FAM124A: variants seen among roughly 807,000 people sequenced by gnomAD.
The protein encoded by FAM124A is protein FAM124A.
A neutral mutation model predicts 24.5 loss-of-function variants in FAM124A; 23 were observed. The observed-to-expected ratio is 0.94, with a 90% confidence interval of 0.68 to 1.33. FAM124A has a LOEUF of 1.33. FAM124A is among the 40% of genes most tolerant of loss of function. The probability of loss-of-function intolerance (pLI) is 0.00; values close to 1 mark genes in which losing one functional copy is unlikely to be tolerated. For synonymous variants in FAM124A, 287 were observed against 314.7 expected (o/e 0.91, Z 0.93); for missense variants, 623 against 722.8 (o/e 0.86, Z 1.58).
At chr13:51,267,529 C>T (rs891007122) in intron 3 of FAM124A, among the ~76,000 whole-genome samples, 1 of 152,140 alleles carries the variant, frequency 6.6e-6, no homozygotes, top group Non-Finnish European at 1.5e-5. Context: ...CTATGGCTAT[C>T]TGCTCATTTC....
chr13:51,278,347 G>C (rs1954904598), intron 3 of FAM124A, among the ~76,000 whole-genome samples: 1 of 152,220 alleles, frequency 6.6e-6, no homozygotes, highest in Non-Finnish European at 1.5e-5. Flanking sequence ...AGGGAGGCCA[G>C]AGATGGAACC....
intron 3 of FAM124A, among the ~76,000 whole-genome samples, chr13:51,277,758 C>T (rs771005881): frequency 1.5e-5 from 2 of 136,840 alleles, no homozygotes; most frequent in African/African-American, 3.1e-5. Context: ...CGCGCCACTG[C>T]ACTCCATCCT....
At chr13:51,222,597 C>T (rs1593580175) in intron 1 of FAM124A, 28 bp downstream of exon 1, 1 of 1,218,902 alleles carries the variant, frequency 8.2e-7, no homozygotes, top group Non-Finnish European at 1.0e-6. Flanking sequence ...GGGCCGCGGG[C>T]GGGGGGCGCT....
intron 3 of FAM124A, among the ~76,000 whole-genome samples, chr13:51,271,488 G>GA (rs1566174327): frequency 6.6e-6 from 1 of 152,174 alleles, no homozygotes; most frequent in Non-Finnish European, 1.5e-5. Context: ...AGGCAGAAGG[G>GA]AAAAATCAGA....
At chr13:51,257,320 G>A (rs1420908074) in intron 3 of FAM124A, among the ~76,000 whole-genome samples, 11 of 152,228 alleles carry the variant, frequency 7.2e-5, no homozygotes, top group Admixed American at 5.2e-4. Flanking sequence ...ACAAGGCAGA[G>A]ACTTGCTTTT....
rs927153305 is a variant in FAM124A at position 51,235,954 on chromosome 13, T to C, written c.100+4575T>C. On this transcript the variant is annotated intron_variant, in intron 2 of 3. Coordinates refer to ENST00000322475, the MANE Select transcript of FAM124A (RefSeq NM_001242312.2). ...ATGGGTGGCTGTGAGTCACTGAAACTGTTTTTCAACCTCCTGGGGACTCAG... is the reference window on the plus strand; with the variant it reads ...ATGGGTGGCTGTGAGTCACTGAAACCGTTTTTCAACCTCCTGGGGACTCAG... Among the ~76,000 whole-genome samples the C allele has an allele frequency of 2.0e-5, 3 of 152,218 alleles. 1 individual carries two copies. Among genetic ancestry groups the C allele is most frequent in the South Asian group, 4.1e-4 (2 of 4,834 alleles).
At chr13:51,241,313 T>G (rs892014739) in intron 2 of FAM124A, among the ~76,000 whole-genome samples, 2 of 152,236 alleles carry the variant, frequency 1.3e-5, no homozygotes, top group South Asian at 4.1e-4. Context: ...TCATTTAGAA[T>G]GTATCATCTC....
At chr13:51,226,330 C>T (rs1566158853) in intron 1 of FAM124A, among the ~76,000 whole-genome samples, 1 of 151,976 alleles carries the variant, frequency 6.6e-6, no homozygotes, top group African/African-American at 2.4e-5. Context: ...AAAGTGGAGG[C>T]AGATGGACTT....
Position 51,280,447 on chromosome 13 carries a change from C to T in FAM124A, c.835-3C>T, listed in dbSNP as rs770564553. The stretch of plus-strand genomic sequence containing the variant: ...CTAATGTGATCTGCCTCTCCCCCCA[C>T]AGGCACAAAGGGTGCATAAGAAGTT... On this transcript the variant is annotated splice_polypyrimidine_tract_variant and splice_region_variant and intron_variant, in intron 3 of 3. Coordinates refer to ENST00000322475, the MANE Select transcript of FAM124A (RefSeq NM_001242312.2). 3.2e-6 allele frequency: 5 copies of T among 1,583,264 alleles called. No individual in the cohort carries two copies. The highest frequency in any genetic ancestry group is 2.3e-5 in the East Asian group (1 of 44,416).
intron 3 of FAM124A, among the ~76,000 whole-genome samples, chr13:51,266,091 C>A (rs1954783016): frequency 1.3e-5 from 2 of 152,166 alleles, no homozygotes; most frequent in East Asian, 3.8e-4. Context: ...TGTTCTTTAA[C>A]ACTTTCGGAT....
At chr13:51,254,863 T>C (rs9568562) in intron 3 of FAM124A, among the ~76,000 whole-genome samples, 47,454 of 152,036 alleles carry the variant, frequency 0.31, 8,298 homozygotes, top group African/African-American at 0.47. Context: ...TATTATTAAT[T>C]ATGTATATAC....
chr13:51,255,465 C>G (rs1404316948), intron 3 of FAM124A, among the ~76,000 whole-genome samples: 4 of 152,216 alleles, frequency 2.6e-5, no homozygotes, highest in African/African-American at 7.2e-5. Context: ...TATCAGCCAG[C>G]ACTGTTCCAG....
intron 3 of FAM124A, among the ~76,000 whole-genome samples, chr13:51,262,642 C>G (rs1317462743): frequency 6.6e-6 from 1 of 152,182 alleles, no homozygotes; most frequent in African/African-American, 2.4e-5. Flanking sequence ...GAAGGTCAAA[C>G]ATTACGTTCA....
chr13:51,261,092 T>G (rs770702691), intron 3 of FAM124A, among the ~76,000 whole-genome samples: 6 of 152,198 alleles, frequency 3.9e-5, no homozygotes, highest in Non-Finnish European at 5.9e-5. Context: ...TCAAACTGAT[T>G]TCATCCCATT....
At chr13:51,257,833 C>T (rs551275589) in intron 3 of FAM124A, among the ~76,000 whole-genome samples, 4 of 152,178 alleles carry the variant, frequency 2.6e-5, no homozygotes, top group South Asian at 2.1e-4. Flanking sequence ...GAGTAGTTCC[C>T]GTTCCCCAAT....
intron 2 of FAM124A, among the ~76,000 whole-genome samples, chr13:51,244,535 T>C (rs1263486863): frequency 6.6e-6 from 1 of 152,218 alleles, no homozygotes; most frequent in African/African-American, 2.4e-5. Context: ...GAGCTTGTCA[T>C]ATCCTGAGAC....
chr13:51,261,150 GC>G (rs1385476070), intron 3 of FAM124A, among the ~76,000 whole-genome samples: 4 of 152,294 alleles, frequency 2.6e-5, no homozygotes, highest in African/African-American at 9.6e-5. Flanking sequence ...GCATTAGCTT[GC>G]CTTATTACTC....
chr13:51,252,501 A>C, intron 3 of FAM124A: 1 of 441,032 alleles, frequency 2.3e-6, no homozygotes, highest in Non-Finnish European at 4.0e-6. Flanking sequence ...ACTCCTGGGG[A>C]TTTCAAATGA....
intron 3 of FAM124A, among the ~76,000 whole-genome samples, chr13:51,279,911 A>C (rs904372548): frequency 1.3e-5 from 2 of 152,094 alleles, no homozygotes; most frequent in Non-Finnish European, 2.9e-5. Flanking sequence ...CCACCCTAAG[A>C]CTGTGTCCTG....
Sources: allele counts gnomAD v4.1 joint callset (sites outside exome capture counted in the v4.1 genomes callset), GRCh38; gene constraint gnomAD v4.1.1; transcripts MANE v1.5; gene names NCBI Gene and HGNC (gene_info 2026-07-23, HGNC 2026-07-21).